Variants in NBAS observed in about 807,000 individuals in gnomAD.
NBAS encodes the protein NBAS subunit of NRZ tethering complex.
In NBAS, 219 loss-of-function variants were observed where a neutral mutation model predicts 302.5. That is an observed-to-expected ratio of 0.72 (90% CI 0.65 to 0.81). The LOEUF (loss-of-function observed/expected upper bound fraction) is 0.81, where lower values mean the gene tolerates loss of function less well. Ranked by LOEUF, NBAS falls within the 30% of genes least tolerant of loss-of-function variation. NBAS has a pLI of 0.00. For synonymous variants in NBAS, 1,118 were observed against 1,021.6 expected (o/e 1.09, Z -1.80); for missense variants, 2,932 against 2,841.6 (o/e 1.03, Z -0.72).
intron 35 of NBAS, among the ~76,000 whole-genome samples, chr2:15,350,333 C>A (rs987580068): frequency 1.4e-4 from 22 of 151,958 alleles, no homozygotes; most frequent in African/African-American, 5.3e-4. Flanking sequence ...CCAAAATAGT[C>A]ACAAGAAAAA....
chr2:15,103,368 C>A, the NBAS span, among the ~76,000 whole-genome samples: 1 of 152,134 alleles, frequency 6.6e-6, no homozygotes, highest in African/African-American at 2.4e-5. Context: ...GATTTCCAGG[C>A]TCCCTTCCCA....
chr2:14,923,908 C>A, the NBAS span, among the ~76,000 whole-genome samples: 4 of 152,072 alleles, frequency 2.6e-5, no homozygotes, highest in Non-Finnish European at 5.9e-5. Context: ...AGGAAAAGGA[C>A]GCTGGAAGCA....
chr2:15,429,185 T>G (rs1054371992), intron 21 of NBAS, among the ~76,000 whole-genome samples: 1 of 152,156 alleles, frequency 6.6e-6, no homozygotes, highest in Non-Finnish European at 1.5e-5. Flanking sequence ...GGCATGTGAC[T>G]CTCTAAAATG....
the NBAS span, among the ~76,000 whole-genome samples, chr2:14,957,346 A>AT: frequency 6.7e-6 from 1 of 150,206 alleles, no homozygotes; most frequent in South Asian, 2.1e-4. Context: ...ATGCAATGTA[A>AT]TTTTTTCGTG....
At chr2:15,269,626 G>A (rs1669228327) in intron 44 of NBAS, among the ~76,000 whole-genome samples, 1 of 152,180 alleles carries the variant, frequency 6.6e-6, no homozygotes, top group African/African-American at 2.4e-5. Flanking sequence ...ATTAATGAAT[G>A]AGATTTTTTA....
chr2:15,077,835 C>G, the NBAS span, among the ~76,000 whole-genome samples: 10 of 152,164 alleles, frequency 6.6e-5, no homozygotes, highest in South Asian at 2.1e-3. Context: ...AGGCACGCAC[C>G]ACCACACCTG....
At chr2:15,360,690 G>A (rs993542290) in intron 32 of NBAS, among the ~76,000 whole-genome samples, 1 of 68,060 alleles carries the variant, frequency 1.5e-5, no homozygotes. Context: ...AACTTTTCTT[G>A]TTAAATACTA....
At chr2:14,913,657 C>A in the NBAS span, among the ~76,000 whole-genome samples, 2 of 152,150 alleles carry the variant, frequency 1.3e-5, no homozygotes, top group East Asian at 1.9e-4. Context: ...GATAACCTGG[C>A]AGCCATGTGG....
At chr2:15,358,569 A>G (rs1484380730) in intron 32 of NBAS, among the ~76,000 whole-genome samples, 2 of 152,126 alleles carry the variant, frequency 1.3e-5, no homozygotes, top group African/African-American at 4.8e-5. Flanking sequence ...ATCAGCCTCC[A>G]GAGTCACTGG....
rs564095819 is a variant in NBAS, at chr2:15,184,367, G to A, written c.6711+2375C>T. The stretch of plus-strand genomic sequence containing the variant: ...ACTTTATTTCTATTAGTATTACACT[G>A]TAATATCTAATGAAATAATTATACA... On this transcript the variant is annotated intron_variant, in intron 50 of 51. Coordinates refer to ENST00000281513, the MANE Select transcript of NBAS (RefSeq NM_015909.4). Among the ~76,000 whole-genome samples, 7 of 152,150 alleles carry A rather than the reference G, an allele frequency of 4.6e-5. No individual in the cohort carries two copies. The East Asian group carries it at 7.7e-4, about 17-fold the overall frequency.
chr2:15,100,857 A>T, the NBAS span, among the ~76,000 whole-genome samples: 2 of 152,234 alleles, frequency 1.3e-5, no homozygotes, highest in African/African-American at 2.4e-5. Flanking sequence ...TCACACATGC[A>T]CACTTAAACG....
rs148960671 is a variant in NBAS at position 15,525,676 on chromosome 2, G to A, written c.746+8867C>T. 7.6e-3 allele frequency among the ~76,000 whole-genome samples: 1,157 copies of A among 152,174 alleles called. 14 individuals carry two copies. Among genetic ancestry groups the A allele is most frequent in the African/African-American group, 0.025 (1,038 of 41,518 alleles). On this transcript the variant is annotated intron_variant, in intron 9 of 51. Transcript: ENST00000281513. The stretch of plus-strand genomic sequence containing the variant: ...AAAGTAGGCATGTTCTCTGCCTTTT[G>A]ACTTTGTTGAAATGTAAATTAGGGT...
chr2:15,014,163 T>G, the NBAS span, among the ~76,000 whole-genome samples: 2 of 152,142 alleles, frequency 1.3e-5, no homozygotes, highest in Non-Finnish European at 1.5e-5. Context: ...CAAATATTAT[T>G]ACATCTAAAA....
chr2:15,052,060 A>G, the NBAS span, among the ~76,000 whole-genome samples: 2 of 152,216 alleles, frequency 1.3e-5, no homozygotes. Flanking sequence ...GACTATGAGT[A>G]TCTTGAGAGC....
At chr2:15,117,153 A>G in the NBAS span, among the ~76,000 whole-genome samples, 25 of 152,256 alleles carry the variant, frequency 1.6e-4, no homozygotes, top group East Asian at 3.3e-3. Flanking sequence ...GAGGGGGCTT[A>G]TGCACGGCCA....
At chr2:15,400,159 A>G (rs527649599) in intron 26 of NBAS, among the ~76,000 whole-genome samples, 1 of 152,246 alleles carries the variant, frequency 6.6e-6, no homozygotes, top group South Asian at 2.1e-4. Flanking sequence ...GATGGACAAC[A>G]GACACAGAGA....
intron 21 of NBAS, among the ~76,000 whole-genome samples, chr2:15,428,724 G>T (rs2148486566): frequency 6.6e-6 from 1 of 152,234 alleles, no homozygotes; most frequent in Middle Eastern, 3.4e-3. Flanking sequence ...AGGAGGCAAA[G>T]ATAAGGCCTG....
intron 51 of NBAS, among the ~76,000 whole-genome samples, chr2:15,171,522 A>G (rs956658008): frequency 1.3e-5 from 2 of 152,220 alleles, no homozygotes; most frequent in African/African-American, 4.8e-5. Context: ...TAAATATTTC[A>G]GCCATTTTAA....
the NBAS span, among the ~76,000 whole-genome samples, chr2:15,033,984 G>GGAAGAAGGA: frequency 1.8e-5 from 1 of 56,292 alleles, no homozygotes; most frequent in Non-Finnish European, 2.9e-5. Context: ...AAGAGGAAGA[G>GGAAGAAGGA]GAAGAAGAAG....
Sources: gnomAD v4.1 joint callset for allele counts (sites outside exome capture counted in the v4.1 genomes callset) on GRCh38, gnomAD v4.1.1 for gene constraint, MANE v1.5 for transcripts, NCBI Gene and HGNC (gene_info 2026-07-23, HGNC 2026-07-21) for gene names.